RANBP2: variants seen among roughly 807,000 people sequenced by gnomAD.
RANBP2 encodes the protein RAN binding protein 2.
RANBP2 carries 57 observed loss-of-function variants against 303.6 expected under a neutral mutation model. The observed-to-expected ratio is 0.19, with a 90% confidence interval of 0.15 to 0.23. RANBP2 has a LOEUF of 0.23. Ranked by LOEUF, RANBP2 falls within the 10% of genes least tolerant of loss-of-function variation. RANBP2 has a pLI of 1.00. For synonymous variants in RANBP2, 1,167 were observed against 1,301.5 expected (o/e 0.90, Z 2.23); for missense variants, 3,138 against 3,780.8 (o/e 0.83, Z 4.46).
the RANBP2 span, chr2:109,503,947 CAG>C: frequency 2.0e-5 from 3 of 152,208 alleles, no homozygotes; most frequent in South Asian, 6.2e-4. Context: ...GCTTTCAGGG[CAG>C]AGTCGGGTGG....
chr2:109,666,413 A>T, the RANBP2 span, among the ~76,000 whole-genome samples: 1 of 152,238 alleles, frequency 6.6e-6, no homozygotes, highest in Non-Finnish European at 1.5e-5. Context: ...TTAATGATAA[A>T]TTTAAGGGCA....
At chr2:109,714,302 T>C in the RANBP2 span, among the ~76,000 whole-genome samples, 1 of 150,440 alleles carries the variant, frequency 6.6e-6, no homozygotes, top group Non-Finnish European at 1.5e-5. Flanking sequence ...TAAAAGTTTT[T>C]ATTTTATTTT....
At chr2:109,352,287 G>A in the RANBP2 span, among the ~76,000 whole-genome samples, 1 of 152,254 alleles carries the variant, frequency 6.6e-6, no homozygotes, top group Non-Finnish European at 1.5e-5. Context: ...CAGAATACTC[G>A]CAGGAAAGTA....
chr2:109,256,990 T>G, the RANBP2 span, among the ~76,000 whole-genome samples: 1 of 152,342 alleles, frequency 6.6e-6, no homozygotes, highest in East Asian at 1.9e-4. Context: ...GCCTCTGCTC[T>G]CAGACAGCCT....
At chr2:109,567,232 A>T in the RANBP2 span, among the ~76,000 whole-genome samples, 1 of 152,202 alleles carries the variant, frequency 6.6e-6, no homozygotes. Flanking sequence ...AGTAACTCCA[A>T]TGGACATATG....
chr2:109,168,645 T>C, the RANBP2 span, among the ~76,000 whole-genome samples: 3 of 144,508 alleles, frequency 2.1e-5, no homozygotes, highest in Non-Finnish European at 4.5e-5. Context: ...TGCCATGGAC[T>C]GGCAGCTGCT....
At chr2:109,564,292 C>A in the RANBP2 span, 1 of 1,299,464 alleles carries the variant, frequency 7.7e-7, no homozygotes, top group South Asian at 2.5e-5. Context: ...CATGCCCCAT[C>A]ATCCTGGATA....
At chr2:109,435,265 C>T in the RANBP2 span, among the ~76,000 whole-genome samples, 2 of 152,182 alleles carry the variant, frequency 1.3e-5, no homozygotes, top group Admixed American at 6.5e-5. Flanking sequence ...AATCTGGCCT[C>T]GGTCTTTATC....
At chr2:108,864,152 C>T in the RANBP2 span, among the ~76,000 whole-genome samples, 1 of 151,696 alleles carries the variant, frequency 6.6e-6, no homozygotes, top group East Asian at 1.9e-4. Flanking sequence ...GAAACCCATT[C>T]TCATATTTTG....
chr2:108,929,207 C>A, the RANBP2 span: 1 of 1,614,042 alleles, frequency 6.2e-7, no homozygotes, highest in South Asian at 1.1e-5. Context: ...CCCAGGGAGG[C>A]AAGGGCCACA....
At chr2:108,791,652 G>A in the RANBP2 span, 398 of 1,598,716 alleles carry the variant, frequency 2.5e-4, no homozygotes, top group African/African-American at 1.8e-3. Flanking sequence ...CTAGATTGCT[G>A]TGATACAATT....
At chr2:109,059,371 C>T in the RANBP2 span, among the ~76,000 whole-genome samples, 4 of 152,072 alleles carry the variant, frequency 2.6e-5, no homozygotes, top group African/African-American at 9.7e-5. Flanking sequence ...GTCAGGAGAC[C>T]AAGACCATCC....
the RANBP2 span, chr2:109,436,959 G>T: frequency 6.2e-7 from 1 of 1,613,858 alleles, no homozygotes; most frequent in Non-Finnish European, 8.5e-7. Context: ...TGGCCAAAGG[G>T]ATAACCACAA....
the RANBP2 span, among the ~76,000 whole-genome samples, chr2:108,808,847 C>A: frequency 6.6e-6 from 1 of 151,918 alleles, no homozygotes; most frequent in Non-Finnish European, 1.5e-5. Flanking sequence ...TCTGTTTTTG[C>A]TTTTGTTGCT....
chr2:108,753,090 A>G lies in RANBP2; in HGVS notation c.1848A>G (p.Ile616Met), dbSNP rs1178458458. ...AAGTTTTGCCATTGTTGAAGATAAT[A>G]AAAAAGAAGAACAGTATTCCTGAAC... ...WKKVLPLLKI[I>M]KKKNSIPEPI... The change falls in exon 13 of 29, where the codon ATA (isoleucine) becomes ATG (methionine). Residue 616 changes from isoleucine (I) to methionine (M), a missense_variant. By Grantham distance (10) the Ile-to-Met change is conservative. Coordinates refer to ENST00000283195, the MANE Select transcript of RANBP2 (RefSeq NM_006267.5). 4 of 1,610,204 alleles carry G rather than the reference A, an allele frequency of 2.5e-6. No homozygotes were observed. The highest frequency in any genetic ancestry group is 1.7e-5 in the Admixed American group (1 of 59,740).
At chr2:109,713,167 G>A in the RANBP2 span, among the ~76,000 whole-genome samples, 11 of 152,176 alleles carry the variant, frequency 7.2e-5, no homozygotes, top group African/African-American at 1.7e-4. Context: ...CTCCAGAGCA[G>A]GGTTCCTGGA....
the RANBP2 span, among the ~76,000 whole-genome samples, chr2:109,216,026 A>G: frequency 1.1e-4 from 16 of 152,250 alleles, no homozygotes; most frequent in Non-Finnish European, 1.6e-4. Context: ...GCACCCATTC[A>G]TGGGGGAGCT....
At chr2:108,817,567 A>G in the RANBP2 span, among the ~76,000 whole-genome samples, 2 of 152,318 alleles carry the variant, frequency 1.3e-5, no homozygotes, top group East Asian at 3.9e-4. Flanking sequence ...CTGGGATTAC[A>G]GGCATGAGCC....
In RANBP2 at chr2:108,775,886, C is replaced by A; in HGVS notation, c.8447C>A (p.Pro2816His). ...PSVSSETMDK[P>H]VDLSTRKEID... ...GTTTCCTCTGAAACTATGGACAAACCTGTAGATTTGTCAACTAGAAAGGAA... is the reference window on the plus strand; with the variant it reads ...GTTTCCTCTGAAACTATGGACAAACATGTAGATTTGTCAACTAGAAAGGAA... Residue 2816 changes from proline to histidine, a missense_variant, in exon 24 of 29, where the codon CCT becomes CAT. This residue lies in a region of RANBP2 where 497 missense variants were observed against 465.8 expected (regional missense o/e 1.07). Transcript: ENST00000283195. 2 of 1,612,970 alleles carry A rather than the reference C, an allele frequency of 1.2e-6. No individual in the cohort carries two copies. Among genetic ancestry groups the A allele is most frequent in the South Asian group, 2.2e-5 (2 of 91,064 alleles).
Sources: allele counts gnomAD v4.1 joint callset (sites outside exome capture counted in the v4.1 genomes callset), GRCh38; gene constraint gnomAD v4.1.1; regional missense constraint gnomAD v4.1.1; transcripts MANE v1.5; gene names NCBI Gene and HGNC (gene_info 2026-07-23, HGNC 2026-07-21).